Variants in CD101 observed in about 807,000 individuals in gnomAD.
The protein encoded by CD101 is CD101 molecule, also known as immunoglobulin superfamily member 2.
CD101 carries 76 observed loss-of-function variants against 98.2 expected under a neutral mutation model. The ratio of observed to expected loss-of-function variants is 0.77; its 90% CI spans 0.64 to 0.94. The LOEUF is 0.94. Ranked by LOEUF, CD101 falls within the 40% of genes least tolerant of loss-of-function variation. The pLI, the probability that CD101 is intolerant of heterozygous loss-of-function variation, is 0.00. For synonymous variants in CD101, 471 were observed against 472.7 expected, an observed-to-expected ratio of 1.00 and a Z score of 0.05; for missense variants, 1,145 against 1,218.8, an observed-to-expected ratio of 0.94 and a Z score of 0.90.
rs55904837 is a variant in CD101 at position 117,006,173 on chromosome 1, TC to T, written c.44-3675del. ...ATCAAACCTATGATCTTTGATTTCT[TC>T]CTACCTCTCATCTCGCCATTTAACC... is the stretch of plus-strand genomic sequence containing the variant. On this transcript the variant is annotated intron_variant, in intron 1 of 9. Coordinates refer to ENST00000682167, the MANE Select transcript of CD101 (RefSeq NM_001256106.3). This position sits in a 1 kb window ranked among gnomAD's most constrained non-coding sequence, Gnocchi z 4.4. Among the ~76,000 whole-genome samples the T allele has an allele frequency of 0.022, 3,281 of 152,234 alleles. 49 individuals carry two copies. Among genetic ancestry groups the T allele is most frequent in the Middle Eastern group, 0.037 (11 of 294 alleles).
rs1652407424 is a variant in CD101, at chr1:117,004,269, G to A, written c.43+2409G>A. Among the ~76,000 whole-genome samples the A allele has an allele frequency of 6.6e-6, 1 of 152,188 alleles. No individual in the cohort carries two copies. The highest frequency in any genetic ancestry group is 2.4e-5 in the African/African-American group (1 of 41,452). Reference sequence around the variant, plus strand: ...CTCCAAGCATATAGGGTTTTTGAATGTGAAAAGAGAAAGAAGCTGCTTGTT... The same window carrying A: ...CTCCAAGCATATAGGGTTTTTGAATATGAAAAGAGAAAGAAGCTGCTTGTT... On this transcript the variant is annotated intron_variant, in intron 1 of 9. Transcript: ENST00000682167. This position sits in a 1 kb window ranked among gnomAD's most constrained non-coding sequence, Gnocchi z 4.1.
chr1:117,013,793 G>T lies in CD101; in HGVS notation c.1228+1G>T, dbSNP rs1653040894. On this transcript the variant is annotated splice_donor_variant, in intron 4 of 9. Coordinates refer to ENST00000682167, the MANE Select transcript of CD101 (RefSeq NM_001256106.3). LOFTEE classifies it high-confidence loss of function. ...CACGTGCACCTGAGGAAGCCAGCAG[G>T]TACGTAAAGTCAAGGCCAGGCATGC... 9.3e-6 allele frequency: 15 copies of T among 1,606,942 alleles called. No individual in the cohort carries two copies. The highest frequency in any genetic ancestry group is 1.3e-5 in the Non-Finnish European group (15 of 1,177,082).
Position 117,022,514 on chromosome 1 carries a change from T to C in CD101, c.2428+531T>C, listed in dbSNP as rs1234342440. On this transcript the variant is annotated intron_variant, in intron 7 of 9. Coordinates refer to ENST00000682167, the MANE Select transcript of CD101 (RefSeq NM_001256106.3). The surrounding 1 kb of genome is among the most constrained non-coding windows in gnomAD (Gnocchi z 4.8). ...CTCTTCCTCAGGAGATCTTTAAAAA[T>C]GTAATGGAAGTTCCGCACTGGTCTA... Among the ~76,000 whole-genome samples the C allele has an allele frequency of 6.6e-6, 1 of 152,068 alleles. No homozygotes were observed. Among genetic ancestry groups the C allele is most frequent in the East Asian group, 1.9e-4 (1 of 5,180 alleles).
intron 9 of CD101, among the ~76,000 whole-genome samples, chr1:117,035,710 T>C (rs910288864): frequency 3.3e-5 from 5 of 151,976 alleles, no homozygotes; most frequent in Admixed American, 3.3e-4. Context: ...CCACCATGCC[T>C]GGCTAATTTT....
rs185581486 is a variant in CD101, at chr1:117,011,687, C to G, written c.562C>G (p.Gln188Glu). Residue 188 changes from glutamine to glutamate, a missense_variant, in exon 3 of 10, where the codon CAG becomes GAG. Gln to Glu is a conservative substitution (Grantham distance 29, BLOSUM62 2). Transcript: ENST00000682167. ...THLSVTWYLT[Q>E]DGGGSQATEI... ...CCTCTCTGTCACCTGGTACCTAACACAGGATGGAGGAGGAAGCCAAGCCAC... is the reference window on the plus strand; with the variant it reads ...CCTCTCTGTCACCTGGTACCTAACAGAGGATGGAGGAGGAAGCCAAGCCAC... The G allele has an allele frequency of 2.5e-6, 4 of 1,614,166 alleles. No individual in the cohort carries two copies. The highest frequency in any genetic ancestry group is 3.4e-6 in the Non-Finnish European group (4 of 1,180,036).
Position 117,035,280 on chromosome 1 carries a change from C to T in CD101, c.*34-888C>T, listed in dbSNP as rs188446533. 5.9e-5 allele frequency among the ~76,000 whole-genome samples: 9 copies of T among 152,266 alleles called. No individual in the cohort carries two copies. In the East Asian group the frequency reaches 7.7e-4, roughly 13 times the overall value. ...TGACCAACCGAGTTGCTTTAACACT[C>T]GTTAATTTGCATTTCCAAGGAGAGC... On this transcript the variant is annotated intron_variant, in intron 9 of 9. Coordinates refer to ENST00000682167, the MANE Select transcript of CD101 (RefSeq NM_001256106.3).
At chr1:117,017,799 T>C (rs929748318) in intron 5 of CD101, among the ~76,000 whole-genome samples, 1 of 152,132 alleles carries the variant, frequency 6.6e-6, no homozygotes, top group Non-Finnish European at 1.5e-5. Flanking sequence ...CATTGAAGCA[T>C]GTGCAAAAGG....
Position 117,017,298 on chromosome 1 carries a change from T to C in CD101, c.1437T>C (p.Ser479=). 1 of 1,614,202 alleles carries C rather than the reference T, an allele frequency of 6.2e-7. No individual in the cohort carries two copies. Among genetic ancestry groups the C allele is most frequent in the Non-Finnish European group, 8.5e-7 (1 of 1,180,044 alleles). ...TGGGTGCCTCCTATGGGGTACCCAG[T>C]TACCATGGCAACACAAGGCTGGAGA... The part of the protein sequence containing the change: ...VQLGASYGVP[S]YHGNTRLEKM... Residue 479 remains serine, a synonymous_variant, in exon 5 of 10, where the codon AGT becomes AGC. Coordinates refer to ENST00000682167, the MANE Select transcript of CD101 (RefSeq NM_001256106.3).
At chr1:117,020,953 G>A (rs1210355847) in intron 6 of CD101, among the ~76,000 whole-genome samples, 1 of 152,240 alleles carries the variant, frequency 6.6e-6, no homozygotes, top group East Asian at 1.9e-4. Context: ...CAGAAAAGCT[G>A]CTGGGGTCAA....
chr1:117,025,983 T>C, intron 8 of CD101, 79 bp downstream of exon 8: 1 of 1,443,764 alleles, frequency 6.9e-7, no homozygotes, highest in Non-Finnish European at 9.3e-7. Context: ...CTCTCACCTA[T>C]CTTTTGCTCC....
Position 117,010,242 on chromosome 1 carries a change from G to A in CD101, c.424+12G>A, listed in dbSNP as rs753858962. ...GACTAATCTAATTGGTAAGTTGCTT[G>A]TCCACTTCTGCTAGCCAGCCCCTGA... On this transcript the variant is annotated intron_variant, in intron 2 of 9. Coordinates refer to ENST00000682167, the MANE Select transcript of CD101 (RefSeq NM_001256106.3). The surrounding 1 kb of genome is among the most constrained non-coding windows in gnomAD (Gnocchi z 5.2). 23 of 1,594,562 alleles carry A rather than the reference G, an allele frequency of 1.4e-5. No individual in the cohort carries two copies. Among genetic ancestry groups the A allele is most frequent in the Non-Finnish European group, 2.0e-5 (23 of 1,167,346 alleles).
In CD101 at chr1:117,004,753, T is replaced by C. The variant is rs4659333; in HGVS notation, c.43+2893T>C. ...CATTTGAGTTGATCTCTGCCAGTCA[T>C]GCCTTCTACCTGAAAAATACCTTTG... On this transcript the variant is annotated intron_variant, in intron 1 of 9. Transcript: ENST00000682167. This position sits in a 1 kb window ranked among gnomAD's most constrained non-coding sequence, Gnocchi z 4.1. 0.25 allele frequency among the ~76,000 whole-genome samples: 38,182 copies of C among 151,794 alleles called. 6,237 individuals carry two copies. The highest frequency in any genetic ancestry group is 0.61 in the East Asian group (3,138 of 5,126).
Position 117,018,218 on chromosome 1 carries a change from G to T in CD101, c.1675G>T (p.Asp559Tyr). 2.5e-6 allele frequency: 4 copies of T among 1,614,042 alleles called. No homozygotes were observed. Among genetic ancestry groups the T allele is most frequent in the Non-Finnish European group, 3.4e-6 (4 of 1,179,960 alleles). ...GCAAGTGATGTTAACCAACACCTTT[G>T]ACCTGTCCTGTGTCGTGAGGGCCGG... ...QPQVMLTNTF[D>Y]LSCVVRAGYS... The change falls in exon 6 of 10, where the codon GAC (aspartate) becomes TAC (tyrosine). Residue 559 changes from aspartate to tyrosine, a missense_variant. Physicochemically the swap from Asp to Tyr is radical, Grantham distance 160. Coordinates refer to ENST00000682167, the MANE Select transcript of CD101 (RefSeq NM_001256106.3). This position sits in a 1 kb window ranked among gnomAD's most constrained non-coding sequence, Gnocchi z 4.3.
intron 4 of CD101, among the ~76,000 whole-genome samples, chr1:117,015,279 C>T (rs1349554181): frequency 6.6e-6 from 1 of 152,002 alleles, no homozygotes; most frequent in Admixed American, 6.6e-5. Context: ...GAATGTGTAA[C>T]TTGCACACAT....
At chr1:117,003,688 G>C (rs964882022) in intron 1 of CD101, among the ~76,000 whole-genome samples, 1 of 152,180 alleles carries the variant, frequency 6.6e-6, no homozygotes, top group African/African-American at 2.4e-5. Flanking sequence ...GGGAAGGAAA[G>C]TAGTAATCAA....
At chr1:117,028,366 C>T (rs777438597) in intron 8 of CD101, among the ~76,000 whole-genome samples, 5 of 152,084 alleles carry the variant, frequency 3.3e-5, no homozygotes, top group African/African-American at 1.2e-4. Flanking sequence ...GATGGATAGT[C>T]GGGTCATTTA....
chr1:117,029,195 G>GAAGGAAAGAAAGA (rs1557778809), intron 8 of CD101, among the ~76,000 whole-genome samples: 1 of 76,818 alleles, frequency 1.3e-5, no homozygotes, highest in East Asian at 3.2e-4. Flanking sequence ...AAGAAAGAAA[G>GAAGGAAAGAAAGA]AAAGAAAGAA....
In CD101 at chr1:117,018,622, T is replaced by G. The variant is rs1195471937; in HGVS notation, c.2017+62T>G. ...CAAACAAATAGCAATCCTCCCATTT[T>G]GGGTAAGTTATAACAATAAAACATA... On this transcript the variant is annotated intron_variant, in intron 6 of 9. Transcript: ENST00000682167. The surrounding 1 kb of genome is among the most constrained non-coding windows in gnomAD (Gnocchi z 4.3). 1 of 1,462,374 alleles carries G rather than the reference T, an allele frequency of 6.8e-7. No individual in the cohort carries two copies. Among genetic ancestry groups the G allele is most frequent in the Non-Finnish European group, 9.2e-7 (1 of 1,083,258 alleles). 90.6% of individuals were successfully genotyped at this position (1,462,374 alleles called of 1,614,324 possible). A position where few individuals can be genotyped will look rare whatever the true frequency, so the allele number is the denominator to read the frequency against.
rs775880181 is a variant in CD101 at position 117,022,724 on chromosome 1, G to C, written c.2428+741G>C. Among the ~76,000 whole-genome samples, 3 of 152,010 alleles carry C rather than the reference G, an allele frequency of 2.0e-5. No individual in the cohort carries two copies. Among genetic ancestry groups the C allele is most frequent in the African/African-American group, 4.8e-5 (2 of 41,388 alleles). On this transcript the variant is annotated intron_variant, in intron 7 of 9. Coordinates refer to ENST00000682167, the MANE Select transcript of CD101 (RefSeq NM_001256106.3). The surrounding 1 kb of genome is among the most constrained non-coding windows in gnomAD (Gnocchi z 4.8). Reference sequence around the variant, plus strand: ...CTTGAAATACTATTTTCAAGGTAACGCTAAAAAAAAATTAGATGATAATTG... The same window carrying C: ...CTTGAAATACTATTTTCAAGGTAACCCTAAAAAAAAATTAGATGATAATTG...
Sources: gnomAD v4.1 joint callset for allele counts (sites outside exome capture counted in the v4.1 genomes callset) on GRCh38, gnomAD v4.1.1 for gene constraint, Gnocchi (gnomAD v3.1) non-coding constraint, MANE v1.5 for transcripts, NCBI Gene and HGNC (gene_info 2026-07-23, HGNC 2026-07-21) for gene names.